METTL15: variants seen among roughly 807,000 people sequenced by gnomAD.
The protein encoded by METTL15 is methyltransferase 15, mitochondrial 12S rRNA N4-cytidine.
In METTL15, 34 loss-of-function variants were observed where a neutral mutation model predicts 38.3. The observed-to-expected ratio is 0.89, with a 90% CI of 0.68 to 1.18. The LOEUF (loss-of-function observed/expected upper bound fraction) is 1.18, where lower values mean the gene tolerates loss of function less well. Among genes scored for constraint, METTL15 ranks in the 50% most tolerant of loss-of-function variants. The pLI is 0.00. For missense variants in METTL15, 438 were observed against 498.4 expected (o/e 0.88, Z 1.15); for synonymous variants, 162 against 170.9 (o/e 0.95, Z 0.41).
chr11:28,213,649 C>G (rs1320761041), intron 4 of METTL15, among the ~76,000 whole-genome samples: 1 of 150,144 alleles, frequency 6.7e-6, no homozygotes, highest in Non-Finnish European at 1.5e-5. Flanking sequence ...AAAAGCAATG[C>G]CTTTTTTTCT....
intron 5 of METTL15, among the ~76,000 whole-genome samples, chr11:28,390,423 A>G (rs1271655516): frequency 6.6e-6 from 1 of 151,930 alleles, no homozygotes; most frequent in East Asian, 1.9e-4. Flanking sequence ...TAAGGAAGGG[A>G]TCCAGTTTCA....
intron 5 of METTL15, among the ~76,000 whole-genome samples, chr11:28,404,176 A>G (rs995466386): frequency 3.3e-5 from 5 of 152,098 alleles, no homozygotes; most frequent in African/African-American, 9.7e-5. Flanking sequence ...ATTAAAAGCT[A>G]TGGAGTCTCT....
chr11:28,208,954 G>A (rs1415215111), intron 3 of METTL15, among the ~76,000 whole-genome samples: 8 of 151,868 alleles, frequency 5.3e-5, no homozygotes, highest in South Asian at 4.1e-4. Flanking sequence ...CATATGATGG[G>A]TTTCCCTTCT....
chr11:28,236,236 A>G (rs1288123071), intron 4 of METTL15, among the ~76,000 whole-genome samples: 10 of 152,044 alleles, frequency 6.6e-5, no homozygotes, highest in Non-Finnish European at 1.2e-4. Context: ...TTTTTGCATC[A>G]ATGTTCATCA....
chr11:28,322,594 A>G (rs753988059), intron 6 of METTL15, among the ~76,000 whole-genome samples: 2 of 152,128 alleles, frequency 1.3e-5, no homozygotes, highest in Admixed American at 1.3e-4. Flanking sequence ...TAGAGAGTAT[A>G]TTTAGAAATA....
intron 6 of METTL15, among the ~76,000 whole-genome samples, chr11:28,303,107 A>G (rs1173676872): frequency 6.6e-6 from 1 of 152,072 alleles, no homozygotes; most frequent in East Asian, 1.9e-4. Flanking sequence ...GGCTGCCCAT[A>G]TTTTATATTT....
intron 3 of METTL15, among the ~76,000 whole-genome samples, chr11:28,186,307 A>G (rs1241975914): frequency 6.6e-6 from 1 of 151,270 alleles, no homozygotes; most frequent in Non-Finnish European, 1.5e-5. Context: ...AGTATAGCCA[A>G]CCTATATAAT....
chr11:28,346,493 T>C (rs140768476), intron 3 of METTL15, among the ~76,000 whole-genome samples: 1 of 152,186 alleles, frequency 6.6e-6, no homozygotes, highest in Non-Finnish European at 1.5e-5. Flanking sequence ...ACTCCAAACC[T>C]GGTAAAATGA....
At chr11:28,166,633 A>G (rs939290737) in intron 3 of METTL15, among the ~76,000 whole-genome samples, 1 of 152,182 alleles carries the variant, frequency 6.6e-6, no homozygotes, top group Non-Finnish European at 1.5e-5. Flanking sequence ...CTGGAATCTT[A>G]GGCTGGGACT....
chr11:28,523,623 T>C (rs1851785592), intron 6 of METTL15, among the ~76,000 whole-genome samples: 1 of 152,222 alleles, frequency 6.6e-6, no homozygotes, highest in African/African-American at 2.4e-5. Context: ...TCTGAAGTTA[T>C]GATTCAACAT....
intron 5 of METTL15, among the ~76,000 whole-genome samples, chr11:28,375,722 G>T (rs367922354): frequency 0.037 from 5,647 of 151,820 alleles, 350 homozygotes; most frequent in African/African-American, 0.13. Context: ...TTGAATGTGT[G>T]TGCTCTTGCT....
chr11:28,181,235 G>A (rs948693617), intron 3 of METTL15, among the ~76,000 whole-genome samples: 4 of 136,976 alleles, frequency 2.9e-5, no homozygotes, highest in South Asian at 4.8e-4. Context: ...AAGATAACAC[G>A]TTTATTTATT....
intron 5 of METTL15, among the ~76,000 whole-genome samples, chr11:28,366,015 A>G (rs1246706657): frequency 6.6e-6 from 1 of 152,154 alleles, no homozygotes; most frequent in Non-Finnish European, 1.5e-5. Flanking sequence ...ATGCCACTGC[A>G]CCCCAGCCTG....
intron 4 of METTL15, among the ~76,000 whole-genome samples, chr11:28,279,940 A>T (rs1051100709): frequency 6.6e-6 from 1 of 151,730 alleles, no homozygotes; most frequent in African/African-American, 2.4e-5. Flanking sequence ...AAGGAAGGCT[A>T]ACATAAATTA....
At chr11:28,251,463 C>T (rs529901737) in intron 4 of METTL15, among the ~76,000 whole-genome samples, 1 of 152,126 alleles carries the variant, frequency 6.6e-6, no homozygotes, top group East Asian at 1.9e-4. Flanking sequence ...TTGGCTAGGT[C>T]ATCAATTTTC....
intron 6 of METTL15, among the ~76,000 whole-genome samples, chr11:28,430,649 C>T (rs1359509238): frequency 5.1e-5 from 4 of 78,774 alleles, no homozygotes; most frequent in East Asian, 3.9e-4. Context: ...AGGTGAGGGG[C>T]GCCTCTGCCC....
chr11:28,505,397 T>C (rs1393056890), intron 6 of METTL15, among the ~76,000 whole-genome samples: 2 of 152,212 alleles, frequency 1.3e-5, no homozygotes, highest in Non-Finnish European at 2.9e-5. Context: ...TGTGTAAACA[T>C]GGGTCATAGT....
chr11:28,339,072 T>A (rs1849926996), intron 3 of METTL15, among the ~76,000 whole-genome samples: 1 of 152,112 alleles, frequency 6.6e-6, no homozygotes, highest in African/African-American at 2.4e-5. Flanking sequence ...TTGAAGGAAT[T>A]GGAGCTCAGT....
chr11:28,433,800 G>C (rs1168635394), intron 6 of METTL15, among the ~76,000 whole-genome samples: 2 of 152,066 alleles, frequency 1.3e-5, no homozygotes, highest in East Asian at 3.9e-4. Flanking sequence ...TCTACAACTA[G>C]ACTCTACAAC....
Sources: allele counts gnomAD v4.1 joint callset (sites outside exome capture counted in the v4.1 genomes callset), GRCh38; gene constraint gnomAD v4.1.1; transcripts MANE v1.5; gene names NCBI Gene and HGNC (gene_info 2026-07-23, HGNC 2026-07-21).